The following PRTG variants were observed in gnomAD, a reference collection of about 807,000 sequenced individuals.
The protein encoded by PRTG is protogenin.
Under a neutral mutation model 122.5 loss-of-function variants are expected in PRTG, and 67 were observed. The ratio of observed to expected loss-of-function variants is 0.55; its 90% confidence interval spans 0.45 to 0.67. PRTG has a LOEUF of 0.67. Ranked by LOEUF, PRTG falls within the 30% of genes least tolerant of loss-of-function variation. The probability of loss-of-function intolerance (pLI) is 0.00; values close to 1 mark genes in which losing one functional copy is unlikely to be tolerated. For synonymous variants in PRTG, 554 were observed against 501.1 expected (o/e 1.11, Z -1.41); for missense variants, 1,435 against 1,415.4 (o/e 1.01, Z -0.22).
chr15:55,626,153 C>T (rs761831869), intron 17 of PRTG, among the ~76,000 whole-genome samples: 33 of 152,242 alleles, frequency 2.2e-4, no homozygotes, highest in African/African-American at 7.2e-4. Context: ...CGGTGGCTCA[C>T]GCCTGTAATT....
chr15:55,654,575 T>C (rs764213748), intron 11 of PRTG, among the ~76,000 whole-genome samples: 3 of 152,216 alleles, frequency 2.0e-5, no homozygotes, highest in Non-Finnish European at 4.4e-5. Context: ...TCAAAAACAA[T>C]TGTTACACTA....
At chr15:55,671,231 C>G in intron 11 of PRTG, among the ~76,000 whole-genome samples, 1 of 152,146 alleles carries the variant, frequency 6.6e-6, no homozygotes, top group East Asian at 1.9e-4. Flanking sequence ...CACAGAGAAG[C>G]CCATGGCTGT....
At chr15:55,623,438 A>C (rs2059177457) in intron 18 of PRTG, among the ~76,000 whole-genome samples, 1 of 152,136 alleles carries the variant, frequency 6.6e-6, no homozygotes. Flanking sequence ...ATGGTGGCGC[A>C]CGCCTGTAAT....
chr15:55,632,047 AT>A (rs200659045), intron 15 of PRTG, among the ~76,000 whole-genome samples: 2 of 151,936 alleles, frequency 1.3e-5, no homozygotes, highest in Non-Finnish European at 2.9e-5. Context: ...TGCTTATGTG[AT>A]TTTTTTTCCA....
chr15:55,728,341 A>G (rs2031111380), intron 2 of PRTG, among the ~76,000 whole-genome samples: 1 of 152,224 alleles, frequency 6.6e-6, no homozygotes, highest in Admixed American at 6.5e-5. Context: ...TCTTCTATGA[A>G]TATGGATGCA....
rs1222691812 is a variant in PRTG at position 55,613,332 on chromosome 15, C to A, written c.*6680G>T. On this transcript the variant is annotated 3_prime_UTR_variant, in exon 20 of 20. Coordinates refer to ENST00000389286, the MANE Select transcript of PRTG (RefSeq NM_173814.6). ...CAAGAAAGGATTACTGTTTACACAC[C>A]TGACTTTTTCAAGTCAATGAATTCC... 6.6e-6 allele frequency: 1 copy of A among 152,062 alleles called. No homozygotes were observed. The highest frequency in any genetic ancestry group is 1.5e-5 in the Non-Finnish European group (1 of 67,972). The allele number at this position is 152,062 out of a possible 1,614,324, so 9.4% of individuals were successfully genotyped here.
intron 2 of PRTG, among the ~76,000 whole-genome samples, chr15:55,686,417 A>T (rs879550489): frequency 6.6e-6 from 1 of 152,122 alleles, no homozygotes. Context: ...AATTTTTTTT[A>T]CAGAACAGAA....
At chr15:55,680,009 G>A (rs1823558839) in intron 6 of PRTG, 45 bp downstream of exon 6, 2 of 1,533,410 alleles carry the variant, frequency 1.3e-6, no homozygotes, top group African/African-American at 1.4e-5. Flanking sequence ...AACGGCAAAT[G>A]TTAAAATGTA....
intron 19 of PRTG, 24 bp downstream of exon 19, chr15:55,620,639 A>T (rs1567071123): frequency 1.3e-6 from 2 of 1,562,050 alleles, no homozygotes; most frequent in East Asian, 2.3e-5. Context: ...ATTGCCAAAA[A>T]TTTTTCTCAT....
chr15:55,624,332 A>G lies in PRTG; in HGVS notation c.3093+10T>C, dbSNP rs1312211018. 6.2e-7 allele frequency: 1 copy of G among 1,611,364 alleles called. No individual in the cohort carries two copies. The highest frequency in any genetic ancestry group is 1.7e-5 in the Admixed American group (1 of 59,712). On this transcript the variant is annotated intron_variant, in intron 18 of 19. Coordinates refer to ENST00000389286, the MANE Select transcript of PRTG (RefSeq NM_173814.6). ...GAACGGCTTATGCAGCAAATCCCGC[A>G]GCTCAGTACCTTTGCATCAATGAAG...
intron 8 of PRTG, among the ~76,000 whole-genome samples, chr15:55,677,437 T>C (rs575911491): frequency 6.6e-6 from 1 of 152,302 alleles, no homozygotes. Flanking sequence ...CAAACCACTG[T>C]TCTAATGTAA....
intron 17 of PRTG, among the ~76,000 whole-genome samples, chr15:55,625,321 T>C (rs2059188731): frequency 6.6e-6 from 1 of 152,322 alleles, no homozygotes; most frequent in Non-Finnish European, 1.5e-5. Context: ...TTTTAACCCT[T>C]GTCTAGAGAA....
intron 2 of PRTG, among the ~76,000 whole-genome samples, chr15:55,708,148 T>TAAAAAAAAAGAAAAAAAAA (rs2030212767): frequency 1.4e-5 from 1 of 70,040 alleles, no homozygotes; most frequent in Non-Finnish European, 2.9e-5. Flanking sequence ...AGTAAGCTGG[T>TAAAAAAAAAGAAAAAAAAA]AAAAAAAAAA....
At chr15:55,682,312 C>T in intron 4 of PRTG, 52 bp downstream of exon 4, 19 of 1,431,250 alleles carry the variant, frequency 1.3e-5, no homozygotes, top group Non-Finnish European at 1.4e-5. Context: ...GAAGAAGTAA[C>T]AACTGCGCCA....
rs768353105 is a variant in PRTG, at chr15:55,620,672, T to G, written c.3189A>C (p.Gln1063His). 2.6e-5 allele frequency: 41 copies of G among 1,592,170 alleles called. No individual in the cohort carries two copies. The highest frequency in any genetic ancestry group is 3.5e-5 in the Non-Finnish European group (41 of 1,174,842). Residue 1063 changes from glutamine to histidine, a missense_variant, in exon 19 of 20, where the codon CAA (glutamine) becomes CAC (histidine). Physicochemically the swap from Gln to His is conservative, Grantham distance 24. Transcript: ENST00000389286. The part of the protein sequence containing the change: ...WFFFQDSKKI[Q>H]VEQPQRRFTP... ...CATTTAGATAGGTTACCTGCTCAAC[T>G]TGTATCTTCTTTGAGTCTTGGAAAA...
At chr15:55,683,681 TG>T in intron 3 of PRTG, 105 bp downstream of exon 3, 1 of 846,050 alleles carries the variant, frequency 1.2e-6, no homozygotes, top group Non-Finnish European at 1.8e-6. Flanking sequence ...CAGTTATTAC[TG>T]CCCTAAATAA....
intron 7 of PRTG, among the ~76,000 whole-genome samples, 172 bp downstream of exon 7, chr15:55,679,114 T>C (rs1032581239): frequency 6.6e-6 from 1 of 152,192 alleles, no homozygotes; most frequent in South Asian, 2.1e-4. Flanking sequence ...GTATTTAGCA[T>C]AGCACATGTA....
rs1279671217 is a variant in PRTG, at chr15:55,639,823, G to T, written c.2143C>A (p.Arg715Ser). ...TVSTPGCVSV[R>S]DRMVPPPPPP... ...GGTGGAGGAGGGACCATGCGATCAC[G>T]AACAGCTATTGAGAAAAACAATGTT... The change falls in exon 13 of 20, where the codon CGT (arginine) becomes AGT (serine). Residue 715 changes from arginine to serine, a missense_variant. Arg to Ser is a moderately radical substitution (Grantham distance 110). Transcript: ENST00000389286. The T allele has an allele frequency of 3.1e-6, 5 of 1,613,712 alleles. No homozygotes were observed. The highest frequency in any genetic ancestry group is 4.2e-6 in the Non-Finnish European group (5 of 1,179,824).
intron 15 of PRTG, among the ~76,000 whole-genome samples, chr15:55,631,754 G>T (rs951475569): frequency 6.6e-6 from 1 of 152,136 alleles, no homozygotes; most frequent in Non-Finnish European, 1.5e-5. Context: ...CTAACTTGGG[G>T]CACGTTACTG....
Sources: allele counts gnomAD v4.1 joint callset (sites outside exome capture counted in the v4.1 genomes callset), GRCh38; gene constraint gnomAD v4.1.1; transcripts MANE v1.5; gene names NCBI Gene and HGNC (gene_info 2026-07-23, HGNC 2026-07-21).